CEACAM8: variants seen among roughly 807,000 people sequenced by gnomAD.
CEACAM8 encodes cell adhesion molecule CEACAM8.
A neutral mutation model predicts 33.4 loss-of-function variants in CEACAM8; 31 were observed. The ratio of observed to expected loss-of-function variants is 0.93; its 90% CI spans 0.70 to 1.25. The LOEUF (loss-of-function observed/expected upper bound fraction) is 1.25. CEACAM8 is among the 50% of genes most tolerant of loss of function. The probability of loss-of-function intolerance (pLI) is 0.00; values close to 1 mark genes in which losing one functional copy is unlikely to be tolerated. For synonymous variants in CEACAM8, 138 were observed against 164.5 expected (o/e 0.84, Z 1.23); for missense variants, 388 against 434.6 (o/e 0.89, Z 0.95).
At chr19:42,584,153 C>T (rs1260986915) in intron 4 of CEACAM8, among the ~76,000 whole-genome samples, 1 of 151,694 alleles carries the variant, frequency 6.6e-6, no homozygotes, top group African/African-American at 2.4e-5. Context: ...CCTCGTGTTT[C>T]CTGTGTTGCC....
At chr19:42,584,704 C>A (rs2042306231) in intron 4 of CEACAM8, among the ~76,000 whole-genome samples, 1 of 152,264 alleles carries the variant, frequency 6.6e-6, no homozygotes, top group Admixed American at 6.5e-5. Context: ...AGTTAAGAAT[C>A]TTGTGCAAGA....
chr19:42,587,083 C>G, intron 4 of CEACAM8, among the ~76,000 whole-genome samples: 1 of 152,054 alleles, frequency 6.6e-6, no homozygotes, highest in Non-Finnish European at 1.5e-5. Flanking sequence ...AAACCACACA[C>G]ACACAAACAA....
At chr19:42,585,313 C>CAAAAAAAA (rs34190972) in intron 4 of CEACAM8, among the ~76,000 whole-genome samples, 1 of 61,938 alleles carries the variant, frequency 1.6e-5, no homozygotes. Context: ...CTCTCTCTCT[C>CAAAAAAAA]AAAAAAAAAA....
chr19:42,590,515 C>G (rs913409086), intron 2 of CEACAM8, among the ~76,000 whole-genome samples: 3 of 152,164 alleles, frequency 2.0e-5, no homozygotes, highest in African/African-American at 7.2e-5. Flanking sequence ...TACATGTGGA[C>G]ATTTGCAAAT....
intron 4 of CEACAM8, among the ~76,000 whole-genome samples, chr19:42,584,006 G>A (rs1239044767): frequency 6.6e-6 from 1 of 152,068 alleles, no homozygotes; most frequent in Non-Finnish European, 1.5e-5. Context: ...TCCCTCACAG[G>A]TGTTTTTCCT....
rs376774058 is a variant in CEACAM8, at chr19:42,589,662, G to C, written c.498C>G (p.Thr166=). Residue 166 remains threonine (T), a synonymous_variant, in exon 3 of 6, where the codon ACC becomes ACG. Transcript: ENST00000244336. ...PVEDKDAVAF[T]CEPETQNTTY... ...TTGTGTTCTGAGTCTCAGGTTCACAGGTGAAGGCCACAGCATCCTTGTCCT... is the reference window on the plus strand; with the variant it reads ...TTGTGTTCTGAGTCTCAGGTTCACACGTGAAGGCCACAGCATCCTTGTCCT... 6 of 1,614,208 alleles carry C rather than the reference G, an allele frequency of 3.7e-6. 1 individual carries two copies. In the African/African-American group the frequency reaches 8.0e-5, roughly 22 times the overall value.
At position 42,588,878 on chromosome 19, in the gene CEACAM8, G is replaced by A. The variant is rs754723702; in HGVS notation, c.864C>T (p.Asn288=). 12 of 1,614,168 alleles carry A rather than the reference G, an allele frequency of 7.4e-6. No homozygotes were observed. The East Asian group carries it at 2.7e-4, about 36-fold the overall frequency. The change falls in exon 4 of 6, where the codon AAC becomes AAT. Residue 288 remains asparagine, a synonymous_variant. Transcript: ENST00000244336. ...AGGATCCGCTGTTCTTTGTAGTGAT[G>A]TTGGGGATAAAGAGCTTTTGTGTGT... is the stretch of plus-strand genomic sequence containing the variant. ...QQYTQKLFIP[N]ITTKNSGSYA... is the part of the protein sequence containing the mutation.
Position 42,583,240 on chromosome 19 carries a change from G to A in CEACAM8, c.*6C>T, listed in dbSNP as rs1339084585. On this transcript the variant is annotated 3_prime_UTR_variant, in exon 5 of 6. Transcript: ENST00000244336. The stretch of plus-strand genomic sequence containing the variant: ...TTCTTGAAATGCAGAAACTACACCA[G>A]AGCTACTATATCAGAGCCACCCTGG... 6.3e-6 allele frequency: 10 copies of A among 1,577,552 alleles called. No individual in the cohort carries two copies. The highest frequency in any genetic ancestry group is 3.4e-5 in the Admixed American group (2 of 58,418).
At chr19:42,584,810 A>T (rs556982459) in intron 4 of CEACAM8, among the ~76,000 whole-genome samples, 1 of 152,236 alleles carries the variant, frequency 6.6e-6, no homozygotes, top group Non-Finnish European at 1.5e-5. Flanking sequence ...AAACAAACTA[A>T]ACCCAAATAT....
intron 2 of CEACAM8, among the ~76,000 whole-genome samples, chr19:42,592,202 G>A (rs1341968104): frequency 6.6e-6 from 1 of 152,162 alleles, no homozygotes; most frequent in Non-Finnish European, 1.5e-5. Context: ...GGCTGTGGCT[G>A]GAGAGAGACC....
intron 4 of CEACAM8, among the ~76,000 whole-genome samples, chr19:42,586,041 G>A (rs1054610863): frequency 6.6e-6 from 1 of 152,138 alleles, no homozygotes; most frequent in African/African-American, 2.4e-5. Flanking sequence ...CCAAGGAGGT[G>A]AAAGGATTGT....
chr19:42,591,713 T>C (rs893752594), intron 2 of CEACAM8, among the ~76,000 whole-genome samples: 2 of 152,188 alleles, frequency 1.3e-5, no homozygotes, highest in African/African-American at 4.8e-5. Context: ...GGTGCCATCA[T>C]GAGGACACAG....
At chr19:42,592,108 C>G (rs2042451470) in intron 2 of CEACAM8, among the ~76,000 whole-genome samples, 1 of 152,122 alleles carries the variant, frequency 6.6e-6, no homozygotes, top group African/African-American at 2.4e-5. Flanking sequence ...TTTGGATGCT[C>G]AGGAAGAAAG....
rs1331461244 is a variant in CEACAM8 at position 42,594,850 on chromosome 19, C to A, written c.-22G>T. On this transcript the variant is annotated 5_prime_UTR_variant, in exon 1 of 6. Coordinates refer to ENST00000244336, the MANE Select transcript of CEACAM8 (RefSeq NM_001816.4). ...CCATGGTCTCTGCTGCCTGCGTGTT[C>A]TCCTCTGTGGAGATGAGCCTGGGAT... 1 of 1,604,644 alleles carries A rather than the reference C, an allele frequency of 6.2e-7. No individual in the cohort carries two copies. Among genetic ancestry groups the A allele is most frequent in the Non-Finnish European group, 8.5e-7 (1 of 1,174,368 alleles).
chr19:42,594,574 C>G (rs1283162084), intron 1 of CEACAM8, among the ~76,000 whole-genome samples, 191 bp downstream of exon 1: 6 of 152,150 alleles, frequency 3.9e-5, no homozygotes, highest in African/African-American at 1.4e-4. Context: ...TTGAGATGTT[C>G]CTGCCTCTTA....
chr19:42,587,447 T>C (rs1003500939), intron 4 of CEACAM8, among the ~76,000 whole-genome samples: 2 of 152,192 alleles, frequency 1.3e-5, no homozygotes, highest in African/African-American at 4.8e-5. Context: ...TGGTGCAAAA[T>C]GGATGAACCT....
At chr19:42,585,509 G>A (rs1476724970) in intron 4 of CEACAM8, among the ~76,000 whole-genome samples, 1 of 152,004 alleles carries the variant, frequency 6.6e-6, no homozygotes. Context: ...ATAATTAGTA[G>A]GAAGATTGAA....
chr19:42,589,672 A>G lies in CEACAM8; in HGVS notation c.488T>C (p.Val163Ala). The G allele has an allele frequency of 6.2e-7, 1 of 1,614,220 alleles. No homozygotes were observed. Among genetic ancestry groups the G allele is most frequent in the Non-Finnish European group, 8.5e-7 (1 of 1,180,030 alleles). ...AGTCTCAGGTTCACAGGTGAAGGCCACAGCATCCTTGTCCTCCACGGGGTT... is the reference window on the plus strand; with the variant it reads ...AGTCTCAGGTTCACAGGTGAAGGCCGCAGCATCCTTGTCCTCCACGGGGTT... The part of the protein sequence containing the change: ...NSNPVEDKDA[V>A]AFTCEPETQN... The change falls in exon 3 of 6, where the codon GTG becomes GCG. Residue 163 changes from valine to alanine, a missense_variant. Coordinates refer to ENST00000244336, the MANE Select transcript of CEACAM8 (RefSeq NM_001816.4).
intron 4 of CEACAM8, among the ~76,000 whole-genome samples, chr19:42,585,600 A>G (rs557981255): frequency 6.6e-6 from 1 of 152,340 alleles, no homozygotes; most frequent in East Asian, 1.9e-4. Flanking sequence ...CTATCTCAAT[A>G]TAATAAAGGC....
Sources: gnomAD v4.1 joint callset for allele counts (sites outside exome capture counted in the v4.1 genomes callset) on GRCh38, gnomAD v4.1.1 for gene constraint, MANE v1.5 for transcripts, NCBI Gene and HGNC (gene_info 2026-07-23, HGNC 2026-07-21) for gene names.